ITGA9: variants seen among roughly 807,000 people sequenced by gnomAD.
ITGA9 encodes integrin alpha-9.
A neutral mutation model predicts 127.8 loss-of-function variants in ITGA9; 56 were observed. That is an observed-to-expected ratio of 0.44 (90% CI 0.35 to 0.55). The LOEUF (loss-of-function observed/expected upper bound fraction) is 0.55. ITGA9 is among the 20% of genes least tolerant of loss of function. The pLI is 0.00. For missense variants in ITGA9, 1,196 were observed against 1,347.1 expected, an observed-to-expected ratio of 0.89 and a Z score of 1.76; for synonymous variants, 508 against 514.5, an observed-to-expected ratio of 0.99 and a Z score of 0.17.
intron 15 of ITGA9, among the ~76,000 whole-genome samples, chr3:37,570,320 C>T (rs1435671456): frequency 6.6e-6 from 1 of 152,228 alleles, no homozygotes; most frequent in East Asian, 1.9e-4. Context: ...TGCATCTCAG[C>T]TGGGTGGGAC....
At chr3:37,577,764 T>C (rs993672852) in intron 15 of ITGA9, among the ~76,000 whole-genome samples, 12 of 152,244 alleles carry the variant, frequency 7.9e-5, no homozygotes, top group Non-Finnish European at 1.8e-4. Flanking sequence ...TCCCGTGTGA[T>C]GATGGCTAAG....
chr3:37,738,023 A>G (rs928379043), intron 20 of ITGA9, among the ~76,000 whole-genome samples: 7 of 152,244 alleles, frequency 4.6e-5, no homozygotes, highest in Non-Finnish European at 1.0e-4. Context: ...AGGAAATTGA[A>G]CATTGACACT....
Position 37,481,470 on chromosome 3 carries a change from C to G in ITGA9, c.421-14C>G. The G allele has an allele frequency of 6.2e-7, 1 of 1,614,198 alleles. No homozygotes were observed. The highest frequency in any genetic ancestry group is 8.5e-7 in the Non-Finnish European group (1 of 1,180,052). On this transcript the variant is annotated splice_polypyrimidine_tract_variant and intron_variant, in intron 3 of 27. Transcript: ENST00000264741. ...GCCAACTTTCCTGCTCTCAACTGCT[C>G]TCTATCCCTTTAGGCCTGTGCTCAT...
chr3:37,635,397 A>T, intron 16 of ITGA9, among the ~76,000 whole-genome samples: 1 of 152,190 alleles, frequency 6.6e-6, no homozygotes, highest in East Asian at 1.9e-4. Context: ...TTAATATCTT[A>T]ATCTTTTAAA....
At chr3:37,574,517 GATCCAATCTGAA>G (rs1298710733) in intron 15 of ITGA9, among the ~76,000 whole-genome samples, 1 of 152,122 alleles carries the variant, frequency 6.6e-6, no homozygotes, top group Non-Finnish European at 1.5e-5. Context: ...GTTACATTAA[GATCCAATCTGAA>G]ATTAAAACTT....
At chr3:37,475,465 C>G (rs1048733872) in intron 3 of ITGA9, among the ~76,000 whole-genome samples, 5 of 152,182 alleles carry the variant, frequency 3.3e-5, no homozygotes, top group Non-Finnish European at 7.3e-5. Flanking sequence ...ACAAAGGAGT[C>G]ATTTCTGGGG....
At chr3:37,625,399 T>A (rs555758656) in intron 15 of ITGA9, among the ~76,000 whole-genome samples, 57 of 152,248 alleles carry the variant, frequency 3.7e-4, no homozygotes, top group Non-Finnish European at 6.0e-4. Flanking sequence ...TATGTTAAGT[T>A]CCCTATAAAA....
intron 1 of ITGA9, among the ~76,000 whole-genome samples, chr3:37,459,973 T>C (rs2125547049): frequency 6.6e-6 from 1 of 152,282 alleles, no homozygotes; most frequent in Admixed American, 6.5e-5. Context: ...CCAATGATTC[T>C]GCCAGGGACA....
rs1454904009 is a variant in ITGA9 at position 37,570,858 on chromosome 3, G to T, written c.1689+28273G>T. Among the ~76,000 whole-genome samples the T allele has an allele frequency of 1.3e-5, 2 of 152,200 alleles. 1 individual carries two copies. The stretch of plus-strand genomic sequence containing the variant: ...GATGAGAGGCATGCAGAAATAAAAA[G>T]CCCAAATTCAGTGATCTAAATCAGG... On this transcript the variant is annotated intron_variant, in intron 15 of 27. Transcript: ENST00000264741.
intron 4 of ITGA9, among the ~76,000 whole-genome samples, chr3:37,485,265 T>A (rs1698597309): frequency 6.6e-6 from 1 of 152,018 alleles, no homozygotes; most frequent in Non-Finnish European, 1.5e-5. Flanking sequence ...CTGTTGAGAC[T>A]ATGGAAGAGA....
chr3:37,598,470 C>T (rs1699888409), intron 15 of ITGA9, among the ~76,000 whole-genome samples: 1 of 152,124 alleles, frequency 6.6e-6, no homozygotes, highest in Non-Finnish European at 1.5e-5. Context: ...ATTTATTTGG[C>T]ACCTATGATG....
At chr3:37,529,279 C>T (rs1047368957) in intron 13 of ITGA9, among the ~76,000 whole-genome samples, 1 of 152,042 alleles carries the variant, frequency 6.6e-6, no homozygotes, top group African/African-American at 2.4e-5. Context: ...AAGGTGATTC[C>T]AGATGGTGGT....
chr3:37,783,244 C>T (rs1696999736), intron 25 of ITGA9, among the ~76,000 whole-genome samples: 1 of 152,252 alleles, frequency 6.6e-6, no homozygotes, highest in South Asian at 2.1e-4. Flanking sequence ...CCATCCTGTG[C>T]CAGACTCCTC....
intron 3 of ITGA9, among the ~76,000 whole-genome samples, chr3:37,474,543 G>GT (rs34646153): frequency 0.26 from 39,835 of 152,020 alleles, 5,973 homozygotes; most frequent in Non-Finnish European, 0.35. Flanking sequence ...AGCCCGATGG[G>GT]TTTTCACGCA....
At position 37,614,892 on chromosome 3, in the gene ITGA9, A is replaced by G. The variant is rs572967354; in HGVS notation, c.1690-14295A>G. Among the ~76,000 whole-genome samples, 187 of 152,366 alleles carry G rather than the reference A, an allele frequency of 1.2e-3. 1 individual carries two copies. Among genetic ancestry groups the G allele is most frequent in the African/African-American group, 4.2e-3 (174 of 41,574 alleles). ...TGAGATGATGGAGTTTTCTAGATAT[A>G]CAATCATGTCATCTGCAAACAGGGA... On this transcript the variant is annotated intron_variant, in intron 15 of 27. Transcript: ENST00000264741.
Position 37,471,092 on chromosome 3 carries a change from A to T in ITGA9, c.271A>T (p.Thr91Ser). 1 of 1,614,042 alleles carries T rather than the reference A, an allele frequency of 6.2e-7. No homozygotes were observed. Among genetic ancestry groups the T allele is most frequent in the Non-Finnish European group, 8.5e-7 (1 of 1,180,002 alleles). ...GGCTGTGTTTAAGTGCCGTGTTCAC[A>T]CCAACCCTGACCGGAGATGCACCGA... Reference protein sequence around the residue: ...PGAVFKCRVHTNPDRRCTELD... With the variant: ...PGAVFKCRVHSNPDRRCTELD... The change falls in exon 2 of 28, where the codon ACC (threonine) becomes TCC (serine). Residue 91 changes from threonine to serine, a missense_variant. Coordinates refer to ENST00000264741, the MANE Select transcript of ITGA9 (RefSeq NM_002207.3).
intron 5 of ITGA9, among the ~76,000 whole-genome samples, chr3:37,502,574 T>G (rs1350999829): frequency 6.6e-6 from 1 of 152,192 alleles, no homozygotes; most frequent in Non-Finnish European, 1.5e-5. Context: ...CTCTTCCAGT[T>G]TGTGTTTTTC....
intron 20 of ITGA9, among the ~76,000 whole-genome samples, chr3:37,738,527 G>A (rs1696393517): frequency 6.6e-6 from 1 of 152,196 alleles, no homozygotes; most frequent in African/African-American, 2.4e-5. Context: ...TATCCTGATG[G>A]CACTGAGGAG....
In ITGA9 at chr3:37,459,962, C is replaced by T. The variant is rs541260680; in HGVS notation, c.185+7403C>T. Among the ~76,000 whole-genome samples, 7 of 152,206 alleles carry T rather than the reference C, an allele frequency of 4.6e-5. No individual in the cohort carries two copies. In the South Asian group the frequency reaches 1.5e-3, roughly 32 times the overall value. Reference sequence around the variant, plus strand: ...TGTTTGATCACTGAGTGAACAGGGACCCAATGATTCTGCCAGGGACATTTG... The same window carrying T: ...TGTTTGATCACTGAGTGAACAGGGATCCAATGATTCTGCCAGGGACATTTG... On this transcript the variant is annotated intron_variant, in intron 1 of 27. Transcript: ENST00000264741.
Sources: allele counts gnomAD v4.1 joint callset (sites outside exome capture counted in the v4.1 genomes callset), GRCh38; gene constraint gnomAD v4.1.1; transcripts MANE v1.5; gene names NCBI Gene and HGNC (gene_info 2026-07-23, HGNC 2026-07-21).